SYN3: variants seen among roughly 807,000 people sequenced by gnomAD.
SYN3 encodes the protein synapsin-3.
In SYN3, 35 loss-of-function variants were observed where a neutral mutation model predicts 65.8. The ratio of observed to expected loss-of-function variants is 0.53; its 90% CI spans 0.41 to 0.70. SYN3 has a LOEUF of 0.70. Ranked by LOEUF, SYN3 falls within the 30% of genes least tolerant of loss-of-function variation. SYN3 has a pLI of 0.00. For missense variants in SYN3, 680 were observed against 749.0 expected, an observed-to-expected ratio of 0.91 and a Z score of 1.08; for synonymous variants, 270 against 292.9, an observed-to-expected ratio of 0.92 and a Z score of 0.80.
chr22:32,928,078 C>T (rs1372285511), intron 4 of SYN3, among the ~76,000 whole-genome samples: 1 of 152,176 alleles, frequency 6.6e-6, no homozygotes, highest in African/African-American at 2.4e-5. Flanking sequence ...CACCTGTAAC[C>T]TCAGTACTTT....
At chr22:32,809,778 A>G (rs1433854063) in intron 6 of SYN3, among the ~76,000 whole-genome samples, 1 of 152,194 alleles carries the variant, frequency 6.6e-6, no homozygotes, top group Admixed American at 6.5e-5. Flanking sequence ...TTCCTGGGTG[A>G]TTGCATTGTC....
chr22:32,832,910 T>G (rs371817189), intron 6 of SYN3, among the ~76,000 whole-genome samples: 8 of 152,058 alleles, frequency 5.3e-5, no homozygotes, highest in African/African-American at 1.9e-4. Flanking sequence ...TTTTCGTGGT[T>G]TTCGTAGAGA....
intron 7 of SYN3, among the ~76,000 whole-genome samples, chr22:32,574,384 T>G (rs1192826116): frequency 6.6e-6 from 1 of 151,940 alleles, no homozygotes; most frequent in East Asian, 1.9e-4. Flanking sequence ...GTGGCTGAGG[T>G]GGGAGGATGG....
chr22:32,548,837 C>A (rs12483915), intron 7 of SYN3, among the ~76,000 whole-genome samples: 1 of 152,084 alleles, frequency 6.6e-6, no homozygotes, highest in African/African-American at 2.4e-5. Context: ...ATGGTATGCA[C>A]GCAAGGCTGT....
chr22:32,594,948 G>T (rs1471562893), intron 7 of SYN3, among the ~76,000 whole-genome samples: 1 of 152,214 alleles, frequency 6.6e-6, no homozygotes, highest in Admixed American at 6.5e-5. Flanking sequence ...TTTAACTCCA[G>T]CTGTACTTTA....
At chr22:32,652,281 G>C (rs1569126728) in intron 6 of SYN3, among the ~76,000 whole-genome samples, 1 of 151,860 alleles carries the variant, frequency 6.6e-6, no homozygotes, top group Non-Finnish European at 1.5e-5. Flanking sequence ...ACTCGTATGG[G>C]TTCTCAGGCC....
At chr22:32,735,524 T>TG (rs2061327408) in intron 6 of SYN3, among the ~76,000 whole-genome samples, 1 of 120,252 alleles carries the variant, frequency 8.3e-6, no homozygotes, top group Non-Finnish European at 2.0e-5. Context: ...TGTTTTGTTT[T>TG]TTGTTTGTTT....
chr22:33,023,718 C>T (rs133966), intron 1 of SYN3, among the ~76,000 whole-genome samples: 59,727 of 151,782 alleles, frequency 0.39, 12,144 homozygotes, highest in Middle Eastern at 0.47. Flanking sequence ...GGTCACAGTG[C>T]GACGCTGTCT....
At chr22:32,539,015 A>G (rs1161852516) in intron 8 of SYN3, among the ~76,000 whole-genome samples, 1 of 152,126 alleles carries the variant, frequency 6.6e-6, no homozygotes, top group Non-Finnish European at 1.5e-5. Context: ...CAGACAAGCT[A>G]TCTATCACTA....
chr22:32,770,378 A>C (rs1440948254), intron 6 of SYN3, among the ~76,000 whole-genome samples: 1 of 152,028 alleles, frequency 6.6e-6, no homozygotes, highest in Non-Finnish European at 1.5e-5. Context: ...CTCCCACTGA[A>C]TAAAATAAAC....
chr22:32,999,911 C>T (rs1296994647), intron 2 of SYN3, among the ~76,000 whole-genome samples: 1 of 152,134 alleles, frequency 6.6e-6, no homozygotes, highest in South Asian at 2.1e-4. Context: ...TGGGTAGTCC[C>T]ATGGAAGGTA....
At chr22:32,592,573 C>G (rs141788370) in intron 7 of SYN3, among the ~76,000 whole-genome samples, 1 of 152,156 alleles carries the variant, frequency 6.6e-6, no homozygotes, top group African/African-American at 2.4e-5. Context: ...CAGGCACACC[C>G]AATCACATGC....
At chr22:32,802,249 A>G in intron 6 of SYN3, 1 of 1,380,558 alleles carries the variant, frequency 7.2e-7, no homozygotes, top group Non-Finnish European at 9.6e-7. Context: ...GTTGGGGCGG[A>G]GTGGAGAAAC....
intron 6 of SYN3, among the ~76,000 whole-genome samples, chr22:32,750,191 A>G (rs1022412291): frequency 8.5e-5 from 13 of 152,240 alleles, no homozygotes; most frequent in African/African-American, 3.1e-4. Context: ...TACAGAGAAA[A>G]ATAAATCAAG....
chr22:32,766,051 T>C (rs548716926), intron 6 of SYN3, among the ~76,000 whole-genome samples: 2 of 152,324 alleles, frequency 1.3e-5, no homozygotes, highest in South Asian at 4.1e-4. Flanking sequence ...GTTTGGTTTT[T>C]GTTTCTGCTG....
At chr22:32,683,244 G>T (rs1389058957) in intron 6 of SYN3, among the ~76,000 whole-genome samples, 4 of 152,176 alleles carry the variant, frequency 2.6e-5, no homozygotes, top group African/African-American at 9.6e-5. Flanking sequence ...GGAGCGGGGT[G>T]GGGGGCAGTG....
At chr22:32,994,675 G>C (rs911805389) in intron 2 of SYN3, among the ~76,000 whole-genome samples, 1 of 152,098 alleles carries the variant, frequency 6.6e-6, no homozygotes, top group Non-Finnish European at 1.5e-5. Flanking sequence ...GACTGACTTG[G>C]AGTCGGCACC....
At chr22:32,985,516 G>A (rs1293464256) in intron 2 of SYN3, among the ~76,000 whole-genome samples, 1 of 152,204 alleles carries the variant, frequency 6.6e-6, no homozygotes, top group East Asian at 1.9e-4. Context: ...CAACCCTGAG[G>A]GGTGGTAGGG....
At chr22:32,960,221 T>A (rs1049162040) in intron 3 of SYN3, among the ~76,000 whole-genome samples, 1 of 152,144 alleles carries the variant, frequency 6.6e-6, no homozygotes, top group Non-Finnish European at 1.5e-5. Flanking sequence ...GCCCTCTGAA[T>A]GCAAACCAAC....
Sources: gnomAD v4.1 joint callset for allele counts (sites outside exome capture counted in the v4.1 genomes callset) on GRCh38, gnomAD v4.1.1 for gene constraint, MANE v1.5 for transcripts, NCBI Gene and HGNC (gene_info 2026-07-23, HGNC 2026-07-21) for gene names.